Variants in GRM1 observed in about 807,000 individuals in gnomAD.
The protein encoded by GRM1 is metabotropic glutamate receptor 1.
Under a neutral mutation model 90.9 loss-of-function variants are expected in GRM1, and 33 were observed. The observed-to-expected ratio is 0.36, with a 90% CI of 0.28 to 0.49. GRM1 has a LOEUF of 0.49. Ranked by LOEUF, GRM1 falls within the 20% of genes least tolerant of loss-of-function variation. The pLI, the probability that GRM1 is intolerant of heterozygous loss-of-function variation, is 0.99. For missense variants in GRM1, 1,190 were observed against 1,534.3 expected (o/e 0.78, Z 3.75); for synonymous variants, 700 against 613.2 (o/e 1.14, Z -2.09).
chr6:146,429,837 CCT>C (rs761819832), intron 7 of GRM1, among the ~76,000 whole-genome samples: 53 of 152,278 alleles, frequency 3.5e-4, no homozygotes, highest in Middle Eastern at 6.8e-3. Flanking sequence ...CAGGAGTGAG[CCT>C]CTCTTTCTTA....
intron 2 of GRM1, among the ~76,000 whole-genome samples, chr6:146,290,647 T>G (rs1185524932): frequency 6.6e-6 from 1 of 152,152 alleles, no homozygotes; most frequent in East Asian, 1.9e-4. Context: ...TCTCTCTTTT[T>G]GAATGGGAAT....
chr6:146,200,818 T>G (rs1448476276), intron 2 of GRM1, among the ~76,000 whole-genome samples: 1 of 152,016 alleles, frequency 6.6e-6, no homozygotes, highest in Non-Finnish European at 1.5e-5. Context: ...AGAGGAGAAC[T>G]GGGTAGAAAA....
rs780000017 is a variant in GRM1 at position 146,433,852 on chromosome 6, C to G, written c.2661-20C>G. The G allele has an allele frequency of 6.6e-7, 1 of 1,521,782 alleles. No individual in the cohort carries two copies. The highest frequency in any genetic ancestry group is 1.1e-5 in the South Asian group (1 of 89,064). 94.3% of individuals were successfully genotyped at this position (1,521,782 alleles called of 1,614,324 possible). On this transcript the variant is annotated intron_variant, in intron 7 of 7. Transcript: ENST00000282753. ...TGCATGATCTATCTGCAAATAAATC[C>G]ATCTCTATTTTATTCATAGTTCTAA...
rs1223086847 is a variant in GRM1, at chr6:146,251,261, A to C, written c.951-53350A>C. On this transcript the variant is annotated intron_variant, in intron 2 of 7. Coordinates refer to ENST00000282753, the MANE Select transcript of GRM1 (RefSeq NM_001278064.2). ...CATCTTAAATACTGACTCCATGTCT[A>C]TTATCCCTTCTTTCTCCCACTCTAA... Among the ~76,000 whole-genome samples, 9 of 152,284 alleles carry C rather than the reference A, an allele frequency of 5.9e-5. No individual in the cohort carries two copies. The East Asian group carries it at 1.7e-3, about 29-fold the overall frequency.
At chr6:146,326,434 T>G (rs2114983770) in intron 3 of GRM1, among the ~76,000 whole-genome samples, 1 of 152,160 alleles carries the variant, frequency 6.6e-6, no homozygotes, top group South Asian at 2.1e-4. Context: ...CACTGGGAAC[T>G]TTTGAGGGGC....
intron 6 of GRM1, among the ~76,000 whole-genome samples, chr6:146,388,443 TA>T (rs1198841709): frequency 6.6e-6 from 1 of 151,950 alleles, no homozygotes; most frequent in East Asian, 1.9e-4. Flanking sequence ...TCAGAGTACA[TA>T]AAAAATGACT....
chr6:146,149,314 G>A (rs563762559), intron 1 of GRM1, among the ~76,000 whole-genome samples: 5 of 152,276 alleles, frequency 3.3e-5, no homozygotes, highest in Non-Finnish European at 7.4e-5. Flanking sequence ...GACCATGAGT[G>A]GACAGTGAAG....
intron 2 of GRM1, among the ~76,000 whole-genome samples, chr6:146,289,575 A>G (rs767612090): frequency 6.6e-6 from 1 of 152,350 alleles, no homozygotes; most frequent in Middle Eastern, 3.4e-3. Context: ...TATAAAGTCT[A>G]TGGTAGAGTA....
At chr6:146,096,368 C>T (rs1391619011) in intron 1 of GRM1, among the ~76,000 whole-genome samples, 1 of 152,062 alleles carries the variant, frequency 6.6e-6, no homozygotes, top group South Asian at 2.1e-4. Flanking sequence ...TCCAATGGAG[C>T]CTAAGTAAGA....
Position 146,211,975 on chromosome 6 carries a change from G to A in GRM1, c.950+52378G>A, listed in dbSNP as rs373266232. ...TTGTCAGGGCTGGCTAGGCAAATCCGAAATCGACAGGACAGGGCATCAGGA... is the reference window on the plus strand; with the variant it reads ...TTGTCAGGGCTGGCTAGGCAAATCCAAAATCGACAGGACAGGGCATCAGGA... On this transcript the variant is annotated intron_variant, in intron 2 of 7. Coordinates refer to ENST00000282753, the MANE Select transcript of GRM1 (RefSeq NM_001278064.2). Among the ~76,000 whole-genome samples, 64 of 152,210 alleles carry A rather than the reference G, an allele frequency of 4.2e-4. 1 individual carries two copies. The highest frequency in any genetic ancestry group is 1.4e-3 in the African/African-American group (59 of 41,542).
In GRM1 at chr6:146,262,822, C is replaced by T. The variant is rs140198754; in HGVS notation, c.951-41789C>T. ...AATATTTGTTGAGTAAATGTTTAAA[C>T]CCCAAATTTAAATGTATACATATAT... On this transcript the variant is annotated intron_variant, in intron 2 of 7. Coordinates refer to ENST00000282753, the MANE Select transcript of GRM1 (RefSeq NM_001278064.2). Among the ~76,000 whole-genome samples, 85 of 151,658 alleles carry T rather than the reference C, an allele frequency of 5.6e-4. No homozygotes were observed. The East Asian group carries it at 0.014, about 26-fold the overall frequency.
At chr6:146,223,128 C>T (rs567142919) in intron 2 of GRM1, among the ~76,000 whole-genome samples, 14 of 151,884 alleles carry the variant, frequency 9.2e-5, no homozygotes, top group African/African-American at 3.4e-4. Context: ...TCTACTATGG[C>T]CAAACAGTAG....
At chr6:146,242,286 G>C (rs1424409784) in intron 2 of GRM1, among the ~76,000 whole-genome samples, 2 of 152,118 alleles carry the variant, frequency 1.3e-5, no homozygotes, top group African/African-American at 4.8e-5. Flanking sequence ...CTAGCAAGCA[G>C]TAGAGCCCTC....
intron 4 of GRM1, among the ~76,000 whole-genome samples, chr6:146,355,233 T>A (rs988529982): frequency 3.3e-5 from 5 of 152,090 alleles, no homozygotes; most frequent in Non-Finnish European, 7.4e-5. Flanking sequence ...CTCTAATGAA[T>A]CTAAAATGGA....
intron 2 of GRM1, among the ~76,000 whole-genome samples, chr6:146,201,980 C>T (rs1324861810): frequency 6.6e-6 from 1 of 152,154 alleles, no homozygotes; most frequent in African/African-American, 2.4e-5. Flanking sequence ...TAATGCTGAA[C>T]ATGACTTAGC....
chr6:146,101,508 G>A (rs1777048562), intron 1 of GRM1, among the ~76,000 whole-genome samples: 2 of 152,050 alleles, frequency 1.3e-5, no homozygotes, highest in South Asian at 4.1e-4. Context: ...TAGGCATGAT[G>A]GGCCACGCTT....
At chr6:146,139,954 C>G (rs1489832171) in intron 1 of GRM1, among the ~76,000 whole-genome samples, 2 of 88,546 alleles carry the variant, frequency 2.3e-5, no homozygotes, top group African/African-American at 1.0e-4. Flanking sequence ...GCCCTCCCCT[C>G]CCCTTCCCTT....
At chr6:146,425,430 C>G (rs116527389) in intron 7 of GRM1, among the ~76,000 whole-genome samples, 2 of 152,250 alleles carry the variant, frequency 1.3e-5, no homozygotes, top group South Asian at 4.2e-4. Flanking sequence ...AGTTTTCACT[C>G]GTCTGTCTAC....
intron 1 of GRM1, among the ~76,000 whole-genome samples, chr6:146,120,026 T>A (rs144631925): frequency 6.6e-6 from 1 of 152,316 alleles, no homozygotes; most frequent in African/African-American, 2.4e-5. Context: ...ATAAATTACC[T>A]TGAGCAGTAT....
Sources: gnomAD v4.1 joint callset for allele counts (sites outside exome capture counted in the v4.1 genomes callset) on GRCh38, gnomAD v4.1.1 for gene constraint, MANE v1.5 for transcripts, NCBI Gene and HGNC (gene_info 2026-07-23, HGNC 2026-07-21) for gene names.